MTUS2: variants seen among roughly 807,000 people sequenced by gnomAD.
MTUS2 encodes microtubule associated scaffold protein 2.
A neutral mutation model predicts 114.1 loss-of-function variants in MTUS2; 40 were observed. The observed-to-expected ratio is 0.35, with a 90% CI of 0.27 to 0.46. The LOEUF (loss-of-function observed/expected upper bound fraction) is 0.46. Ranked by LOEUF, MTUS2 falls within the 20% of genes least tolerant of loss-of-function variation. MTUS2 has a pLI of 1.00. For missense variants in MTUS2, 1,679 were observed against 1,705.4 expected (o/e 0.98, Z 0.27); for synonymous variants, 688 against 672.0 (o/e 1.02, Z -0.37).
intron 1 of MTUS2, among the ~76,000 whole-genome samples, chr13:28,830,948 G>A (rs1169873599): frequency 6.6e-6 from 1 of 152,048 alleles, no homozygotes; most frequent in African/African-American, 2.4e-5. Context: ...AAGAACAAAA[G>A]ATTAAGATGT....
chr13:28,914,908 T>C (rs1308751043), intron 2 of MTUS2, among the ~76,000 whole-genome samples: 1 of 151,964 alleles, frequency 6.6e-6, no homozygotes, highest in Non-Finnish European at 1.5e-5. Flanking sequence ...GAAACTAGTA[T>C]TGTGACCCCT....
At chr13:29,457,272 A>G (rs950771392) in intron 9 of MTUS2, among the ~76,000 whole-genome samples, 1 of 152,124 alleles carries the variant, frequency 6.6e-6, no homozygotes, top group African/African-American at 2.4e-5. Context: ...GGATATTTAC[A>G]TTGCACCAGA....
chr13:29,405,964 C>T (rs904321381), intron 8 of MTUS2, among the ~76,000 whole-genome samples: 1 of 152,074 alleles, frequency 6.6e-6, no homozygotes. Flanking sequence ...TGGTCTCAAA[C>T]TCCTGACCTC....
rs1367249367 is a variant in MTUS2, at chr13:29,475,853, C to T, written c.3185-4297C>T. ...TAAGCTGAAGTTAACTTATCTTGAG[C>T]ACAGAAAAATTTTTTTAAATAAATT... On this transcript the variant is annotated intron_variant, in intron 9 of 15. Coordinates refer to ENST00000612955, the MANE Select transcript of MTUS2 (RefSeq NM_001033602.4). Among the ~76,000 whole-genome samples, 3 of 152,084 alleles carry T rather than the reference C, an allele frequency of 2.0e-5. No individual in the cohort carries two copies. The East Asian group carries it at 5.8e-4, about 29-fold the overall frequency.
intron 2 of MTUS2, among the ~76,000 whole-genome samples, chr13:28,936,386 G>C (rs557658350): frequency 6.6e-6 from 1 of 152,264 alleles, no homozygotes; most frequent in African/African-American, 2.4e-5. Context: ...CTTTAATCCT[G>C]ACCTAGTTTT....
intron 2 of MTUS2, among the ~76,000 whole-genome samples, chr13:28,852,380 A>G (rs574734825): frequency 2.0e-4 from 30 of 152,254 alleles, no homozygotes; most frequent in African/African-American, 7.2e-4. Context: ...TCTGGTATAC[A>G]GGAGGCACTC....
chr13:29,072,182 G>A (rs1027007477), intron 4 of MTUS2: 2 of 152,142 alleles, frequency 1.3e-5, no homozygotes, highest in African/African-American at 4.8e-5. Context: ...GTAAGTACTT[G>A]TCTCTTTTCT....
Position 29,281,781 on chromosome 13 carries a change from C to T in MTUS2, c.2722C>T (p.Arg908Trp), listed in dbSNP as rs776995302. ...TAAGGACACACCCAAGGGGGCCGGCCGGGTGGCCCCTCCAGCATCCTCCAG... is the reference window on the plus strand; with the variant it reads ...TAAGGACACACCCAAGGGGGCCGGCTGGGTGGCCCCTCCAGCATCCTCCAG... The part of the protein sequence containing the change: ...PSKDTPKGAG[R>W]VAPPASSSVT... Residue 908 changes from arginine (R) to tryptophan (W), a missense_variant, in exon 6 of 16, where the codon CGG becomes TGG. Transcript: ENST00000612955. 9.3e-6 allele frequency: 15 copies of T among 1,612,346 alleles called. No homozygotes were observed. Among genetic ancestry groups the T allele is most frequent in the South Asian group, 2.2e-5 (2 of 91,028 alleles).
At chr13:28,909,523 T>C (rs1374665759) in intron 2 of MTUS2, among the ~76,000 whole-genome samples, 1 of 152,130 alleles carries the variant, frequency 6.6e-6, no homozygotes. Flanking sequence ...ATTTATGGGA[T>C]GTATCTGAAA....
At chr13:29,203,580 ACTC>A (rs1895053914) in intron 5 of MTUS2, among the ~76,000 whole-genome samples, 1 of 142,780 alleles carries the variant, frequency 7.0e-6, no homozygotes, top group African/African-American at 2.6e-5. Flanking sequence ...AAAAAAAAAA[ACTC>A]CTGCAGCTAG....
intron 5 of MTUS2, among the ~76,000 whole-genome samples, chr13:29,124,279 T>G (rs1038931122): frequency 2.6e-5 from 4 of 152,206 alleles, no homozygotes; most frequent in African/African-American, 9.6e-5. Context: ...TCTAATTTAA[T>G]GTAAATCATT....
intron 5 of MTUS2, among the ~76,000 whole-genome samples, chr13:29,155,807 C>T (rs1441171613): frequency 2.6e-5 from 4 of 151,892 alleles, no homozygotes; most frequent in African/African-American, 7.3e-5. Flanking sequence ...AGATTATATA[C>T]ATGTACATAC....
At chr13:29,114,314 T>C (rs1890998495) in intron 5 of MTUS2, among the ~76,000 whole-genome samples, 1 of 152,154 alleles carries the variant, frequency 6.6e-6, no homozygotes. Context: ...TCTAAGACCA[T>C]AGATGCTGTC....
intron 8 of MTUS2, among the ~76,000 whole-genome samples, chr13:29,386,513 A>G (rs1872641067): frequency 6.6e-6 from 1 of 152,182 alleles, no homozygotes; most frequent in Non-Finnish European, 1.5e-5. Flanking sequence ...CACTAAAATG[A>G]GTTAGCCAGA....
intron 5 of MTUS2, among the ~76,000 whole-genome samples, chr13:29,277,124 C>T (rs1898095819): frequency 6.6e-6 from 1 of 152,136 alleles, no homozygotes; most frequent in African/African-American, 2.4e-5. Flanking sequence ...GCCAGCCTTG[C>T]CTCAGTCCAA....
chr13:29,498,825 C>T (rs941398104), intron 14 of MTUS2, among the ~76,000 whole-genome samples: 5 of 152,166 alleles, frequency 3.3e-5, no homozygotes, highest in Admixed American at 2.6e-4. Context: ...CTCTTGGGGA[C>T]GTGTGGGGAC....
chr13:29,474,785 T>A (rs1000747199), intron 9 of MTUS2, among the ~76,000 whole-genome samples: 1 of 152,182 alleles, frequency 6.6e-6, no homozygotes, highest in African/African-American at 2.4e-5. Flanking sequence ...TTGACTCAGA[T>A]TTTTGTGCAC....
At chr13:29,328,297 T>C (rs1481265017) in intron 7 of MTUS2, among the ~76,000 whole-genome samples, 1 of 152,254 alleles carries the variant, frequency 6.6e-6, no homozygotes, top group African/African-American at 2.4e-5. Context: ...CCACACAATC[T>C]CAAGAAGTCC....
chr13:29,014,560 A>G (rs1219069615), intron 2 of MTUS2, among the ~76,000 whole-genome samples: 1 of 152,196 alleles, frequency 6.6e-6, no homozygotes, highest in Admixed American at 6.5e-5. Context: ...CACATAAAAT[A>G]GCTGTTAAAG....
Sources: allele counts gnomAD v4.1 joint callset (sites outside exome capture counted in the v4.1 genomes callset), GRCh38; gene constraint gnomAD v4.1.1; transcripts MANE v1.5; gene names NCBI Gene and HGNC (gene_info 2026-07-23, HGNC 2026-07-21).